CSGALNACT1: variants seen among roughly 807,000 people sequenced by gnomAD.
CSGALNACT1 encodes beta4GalNAcT-1.
In CSGALNACT1, 52 loss-of-function variants were observed where a neutral mutation model predicts 51.0. The observed-to-expected ratio is 1.02, with a 90% CI of 0.82 to 1.29. The LOEUF (loss-of-function observed/expected upper bound fraction) is 1.29, where lower values mean the gene tolerates loss of function less well. Among genes scored for constraint, CSGALNACT1 ranks in the 50% most tolerant of loss-of-function variants. CSGALNACT1 has a pLI of 0.00. For synonymous variants in CSGALNACT1, 341 were observed against 254.4 expected (o/e 1.34, Z -3.24); for missense variants, 935 against 679.2 (o/e 1.38, Z -4.19).
intron 9 of CSGALNACT1, among the ~76,000 whole-genome samples, chr8:19,407,001 G>A (rs570784887): frequency 4.4e-4 from 67 of 152,140 alleles, no homozygotes; most frequent in Non-Finnish European, 7.9e-4. Context: ...GAGCCACCAC[G>A]CTCGGCCTAG....
At chr8:19,521,256 C>A (rs890398431) in intron 3 of CSGALNACT1, among the ~76,000 whole-genome samples, 1 of 152,048 alleles carries the variant, frequency 6.6e-6, no homozygotes, top group African/African-American at 2.4e-5. Flanking sequence ...AAGACTGGCA[C>A]TGGGGACACT....
chr8:19,652,226 C>T (rs1350680566), intron 1 of CSGALNACT1, among the ~76,000 whole-genome samples: 2 of 152,196 alleles, frequency 1.3e-5, no homozygotes, highest in Non-Finnish European at 2.9e-5. Flanking sequence ...ACTAAGATTA[C>T]AGGCATGAGC....
intron 4 of CSGALNACT1, among the ~76,000 whole-genome samples, chr8:19,496,985 C>T (rs1587248542): frequency 1.3e-5 from 2 of 152,264 alleles, no homozygotes. Context: ...GACCCTCCCC[C>T]TCCCGCCTCC....
At chr8:19,738,567 A>T (rs575244072) in intron 1 of CSGALNACT1, among the ~76,000 whole-genome samples, 55 of 152,334 alleles carry the variant, frequency 3.6e-4, no homozygotes, top group African/African-American at 1.2e-3. Flanking sequence ...TGATGGTTAC[A>T]TAACAACATG....
At chr8:19,569,134 G>C (rs1037644575) in intron 3 of CSGALNACT1, among the ~76,000 whole-genome samples, 3 of 152,214 alleles carry the variant, frequency 2.0e-5, no homozygotes, top group African/African-American at 7.2e-5. Context: ...GGAGTACACA[G>C]TGCTACCATT....
intron 1 of CSGALNACT1, 85 bp from the exon 2 acceptor site, chr8:19,601,950 A>G: frequency 2.2e-6 from 1 of 447,754 alleles, no homozygotes; most frequent in South Asian, 1.6e-5. Flanking sequence ...GAACATTTTA[A>G]ATCACTTAGT....
intron 4 of CSGALNACT1, among the ~76,000 whole-genome samples, chr8:19,483,665 A>T (rs2072080228): frequency 6.6e-6 from 1 of 152,182 alleles, no homozygotes; most frequent in South Asian, 2.1e-4. Flanking sequence ...CAATTATGTA[A>T]TCTCTGTAAT....
At chr8:19,612,496 A>G (rs2052401553) in intron 1 of CSGALNACT1, among the ~76,000 whole-genome samples, 1 of 152,260 alleles carries the variant, frequency 6.6e-6, no homozygotes, top group East Asian at 1.9e-4. Flanking sequence ...ATCTGTTCAC[A>G]AGGATCACCC....
In CSGALNACT1 at chr8:19,647,092, G is replaced by T. The variant is rs560098541; in HGVS notation, c.-544+35381C>A. Among the ~76,000 whole-genome samples, 7 of 152,176 alleles carry T rather than the reference G, an allele frequency of 4.6e-5. No individual in the cohort carries two copies. In the South Asian group the frequency reaches 1.2e-3, roughly 27 times the overall value. The stretch of plus-strand genomic sequence containing the variant: ...AGCCCGCTTAAGTGCAGCATCACAG[G>T]CCACCCTGAAGGTCAGCTTCTGAAG... On this transcript the variant is annotated intron_variant, in intron 1 of 9. Coordinates refer to the CSGALNACT1 transcript ENST00000332246.
At chr8:19,513,438 A>C (rs10107865) in intron 3 of CSGALNACT1, among the ~76,000 whole-genome samples, 33,965 of 67,018 alleles carry the variant, frequency 0.51, 5,427 homozygotes, top group Non-Finnish European at 0.52. Context: ...CTCTCTCTCT[A>C]TATATATATA....
At chr8:19,663,683 C>A (rs1430928079) in intron 1 of CSGALNACT1, among the ~76,000 whole-genome samples, 1 of 152,186 alleles carries the variant, frequency 6.6e-6, no homozygotes, top group South Asian at 2.1e-4. Flanking sequence ...AAAGTACATA[C>A]AACATACTTA....
intron 6 of CSGALNACT1, among the ~76,000 whole-genome samples, chr8:19,438,108 C>T (rs1338551476): frequency 6.6e-6 from 1 of 151,530 alleles, no homozygotes; most frequent in Non-Finnish European, 1.5e-5. Flanking sequence ...TGGAAATCTG[C>T]CATACCCATA....
intron 4 of CSGALNACT1, among the ~76,000 whole-genome samples, chr8:19,496,877 A>T (rs2075575753): frequency 6.6e-6 from 1 of 152,184 alleles, no homozygotes; most frequent in Admixed American, 6.5e-5. Context: ...AATGGGTGCT[A>T]ATAAAAATGA....
At chr8:19,716,613 A>C (rs369292111) in intron 1 of CSGALNACT1, among the ~76,000 whole-genome samples, 86 of 23,190 alleles carry the variant, frequency 3.7e-3, no homozygotes, top group Middle Eastern at 0.023. Context: ...CCCTCTCTAC[A>C]AAAAAAAAAA....
Position 19,537,316 on chromosome 8 carries a change from T to C in CSGALNACT1, c.-296-31186A>G, listed in dbSNP as rs1289614113. 3.9e-5 allele frequency among the ~76,000 whole-genome samples: 6 copies of C among 152,286 alleles called. No homozygotes were observed. The East Asian group carries it at 9.7e-4, about 24-fold the overall frequency. ...CCTAAAATGTCAGTCTCTAAGCCAG[T>C]TTGTCTGACTCACAGAGGGTGTGCA... On this transcript the variant is annotated intron_variant, in intron 3 of 9. Transcript: ENST00000454498.
intron 1 of CSGALNACT1, among the ~76,000 whole-genome samples, chr8:19,639,200 C>T (rs556863563): frequency 6.6e-6 from 1 of 152,208 alleles, no homozygotes; most frequent in South Asian, 2.1e-4. Flanking sequence ...AGTGACCCAA[C>T]CACAGAACAA....
chr8:19,471,395 C>CTCTTT (rs1189256703), intron 4 of CSGALNACT1, among the ~76,000 whole-genome samples: 1 of 152,126 alleles, frequency 6.6e-6, no homozygotes, highest in Non-Finnish European at 1.5e-5. Context: ...TTCTTTTGCT[C>CTCTTT]TCTTTTCTCT....
At chr8:19,695,254 T>G (rs73216646) in intron 1 of CSGALNACT1, among the ~76,000 whole-genome samples, 3,019 of 152,278 alleles carry the variant, frequency 0.02, 49 homozygotes, top group South Asian at 0.048. Context: ...TTGTAAGATC[T>G]TCATTAAAAA....
At chr8:19,596,962 A>G (rs529621082) in intron 2 of CSGALNACT1, among the ~76,000 whole-genome samples, 3 of 152,198 alleles carry the variant, frequency 2.0e-5, no homozygotes, top group Non-Finnish European at 2.9e-5. Context: ...TTCATCTTGC[A>G]TAACTGTAAC....
Sources: allele counts gnomAD v4.1 joint callset (sites outside exome capture counted in the v4.1 genomes callset), GRCh38; gene constraint gnomAD v4.1.1; transcripts MANE v1.5; gene names NCBI Gene and HGNC (gene_info 2026-07-23, HGNC 2026-07-21).